FRMPD4: variants seen among roughly 807,000 people sequenced by gnomAD.
FRMPD4 encodes the protein FERM and PDZ domain containing 4, also known as FERM and PDZ domain-containing protein 4.
Under a neutral mutation model 94.1 loss-of-function variants are expected in FRMPD4, and 22 were observed. The ratio of observed to expected loss-of-function variants is 0.23; its 90% CI spans 0.17 to 0.33. The LOEUF (loss-of-function observed/expected upper bound fraction) is 0.33. FRMPD4 is among the 10% of genes least tolerant of loss of function. FRMPD4 has a pLI of 1.00. For synonymous variants in FRMPD4, 631 were observed against 548.6 expected (o/e 1.15, Z -2.10); for missense variants, 1,111 against 1,339.9 (o/e 0.83, Z 2.67).
At chrX:12,612,721 T>C (rs190921191) in intron 3 of FRMPD4, among the ~76,000 whole-genome samples, 1 of 112,773 alleles carries the variant, frequency 8.9e-6, no homozygotes, top group East Asian at 2.8e-4. Context: ...GTCCTTCAGT[T>C]ACTTTGAAAG....
chrX:12,474,605 G>A (rs1026897513), intron 1 of FRMPD4, among the ~76,000 whole-genome samples: 4 of 111,224 alleles, frequency 3.6e-5, no homozygotes, highest in African/African-American at 6.5e-5. Context: ...TCAAATAGAC[G>A]CAATAAATAA....
At chrX:12,495,053 C>T (rs2057831919) in intron 1 of FRMPD4, 1 of 703,107 alleles carries the variant, frequency 1.4e-6, no homozygotes, top group South Asian at 7.4e-5. Flanking sequence ...CCCAGGATCA[C>T]ACAGCTGGGA....
At chrX:12,164,923 A>G (rs765076111) in intron 1 of FRMPD4, among the ~76,000 whole-genome samples, 83 of 111,445 alleles carry the variant, frequency 7.4e-4, no homozygotes, top group Middle Eastern at 4.6e-3. Context: ...AAATTTGTTT[A>G]AGTTCTTTGT....
At chrX:12,480,333 G>GAAAAAAAAAAAAAAAAAAAAAAAAA in intron 1 of FRMPD4, among the ~76,000 whole-genome samples, 1 of 54,654 alleles carries the variant, frequency 1.8e-5, no homozygotes, top group Non-Finnish European at 3.1e-5. Flanking sequence ...GAAAAGAAAT[G>GAAAAAAAAAAAAAAAAAAAAAAAAA]AAAAAAAAAA....
intron 4 of FRMPD4, among the ~76,000 whole-genome samples, chrX:12,665,613 G>T (rs974861576): frequency 5.4e-5 from 6 of 111,752 alleles, no homozygotes; most frequent in African/African-American, 2.0e-4. Flanking sequence ...GAAAAGAGTG[G>T]GGGCCAATAT....
intron 3 of FRMPD4, among the ~76,000 whole-genome samples, chrX:11,901,276 A>G (rs1021344011): frequency 9.8e-5 from 11 of 111,684 alleles, no homozygotes; most frequent in Non-Finnish European, 1.9e-4. Context: ...CTGAGTTACC[A>G]AAGTCCATTA....
At chrX:12,249,951 T>C (rs2054010349) in intron 1 of FRMPD4, among the ~76,000 whole-genome samples, 1 of 111,332 alleles carries the variant, frequency 9.0e-6, no homozygotes, top group Non-Finnish European at 1.9e-5. Context: ...TACTTTAGAA[T>C]ATAATTTTTA....
intron 2 of FRMPD4, among the ~76,000 whole-genome samples, chrX:12,553,509 A>G (rs911698385): frequency 6.1e-5 from 6 of 98,277 alleles, no homozygotes; most frequent in Non-Finnish European, 1.0e-4. Context: ...TTCATGTAGC[A>G]TTTGCCTCTC....
At chrX:11,965,142 A>G (rs1459769735) in intron 3 of FRMPD4, among the ~76,000 whole-genome samples, 1 of 112,461 alleles carries the variant, frequency 8.9e-6, no homozygotes, top group Admixed American at 9.4e-5. Context: ...CTCCTTTGCA[A>G]TGTAACGTAA....
At chrX:12,018,815 A>G (rs1366422862) in intron 3 of FRMPD4, among the ~76,000 whole-genome samples, 1 of 111,976 alleles carries the variant, frequency 8.9e-6, no homozygotes, top group African/African-American at 3.3e-5. Context: ...CCCTATTTTC[A>G]AATAATGTCA....
In FRMPD4 at chrX:12,182,585, T is replaced by A. The variant is rs192810987; in HGVS notation, c.41+43573T>A. Among the ~76,000 whole-genome samples the A allele has an allele frequency of 5.6e-3, 538 of 96,778 alleles. 5 individuals carry two copies. The highest frequency in any genetic ancestry group is 0.019 in the African/African-American group (514 of 27,637). The allele number at this position is 96,778 out of a possible 115,157, so 84.0% of individuals were successfully genotyped here. On this transcript the variant is annotated intron_variant, in intron 1 of 16. Coordinates refer to ENST00000675598, the MANE Select transcript of FRMPD4 (RefSeq NM_001368397.1). ...AAATAAATAAATAAATAAATATATA[T>A]ATATATGTCATCACTTTCTGTCTTA...
chrX:12,565,068 C>T (rs993159092), intron 2 of FRMPD4, among the ~76,000 whole-genome samples: 2 of 80,624 alleles, frequency 2.5e-5, no homozygotes, highest in Non-Finnish European at 4.8e-5. Flanking sequence ...GCCTGGGTGA[C>T]AGAGAGAGAC....
intron 1 of FRMPD4, among the ~76,000 whole-genome samples, chrX:11,855,787 G>A (rs900927369): frequency 1.8e-5 from 2 of 111,617 alleles, no homozygotes; most frequent in Admixed American, 1.9e-4. Flanking sequence ...AAGTTTCTAG[G>A]ATGTTCCAAA....
At chrX:12,631,955 T>A (rs1053062788) in intron 4 of FRMPD4, among the ~76,000 whole-genome samples, 1 of 112,310 alleles carries the variant, frequency 8.9e-6, no homozygotes, top group Non-Finnish European at 1.9e-5. Context: ...ATACCCAGCA[T>A]AATCAGAGCC....
intron 4 of FRMPD4, among the ~76,000 whole-genome samples, chrX:12,660,996 G>T (rs1323743702): frequency 1.8e-5 from 2 of 112,481 alleles, no homozygotes; most frequent in Non-Finnish European, 3.8e-5. Context: ...TCACAGGGTT[G>T]TTGGACTTCT....
At chrX:12,026,050 A>G (rs949796109) in intron 3 of FRMPD4, among the ~76,000 whole-genome samples, 1 of 112,234 alleles carries the variant, frequency 8.9e-6, no homozygotes, top group Non-Finnish European at 1.9e-5. Context: ...TCTACATATC[A>G]ATAAACAATT....
At chrX:12,453,621 A>G (rs2057298403) in intron 1 of FRMPD4, among the ~76,000 whole-genome samples, 1 of 111,553 alleles carries the variant, frequency 9.0e-6, no homozygotes, top group Non-Finnish European at 1.9e-5. Context: ...TGGTTACAGG[A>G]AGTTTGGGTT....
chrX:12,721,580 C>T lies in FRMPD4; in HGVS notation c.5011C>T (p.Leu1671Phe). 3 of 755,185 alleles carry T rather than the reference C, an allele frequency of 4.0e-6. No homozygotes were observed. The highest frequency in any genetic ancestry group is 4.7e-6 in the Non-Finnish European group (3 of 638,336). 62.2% of individuals were successfully genotyped at this position (755,185 alleles called of 1,213,427 possible). A position where few individuals can be genotyped will look rare whatever the true frequency, so the allele number is the denominator to read the frequency against. The change falls in exon 17 of 17, where the codon CTC (leucine) becomes TTC (phenylalanine). Residue 1671 changes from leucine (L) to phenylalanine (F), a missense_variant. Leu to Phe is a conservative substitution (Grantham distance 22). Coordinates refer to ENST00000675598, the MANE Select transcript of FRMPD4 (RefSeq NM_001368397.1). ...AMAEKSPEEM[L>F]LAMTSSFQVL... ...GGCTGAGAAAAGCCCGGAGGAGATG[C>T]TCCTAGCTATGACTTCCAGCTTTCA...
At chrX:12,157,809 A>T (rs1268650873) in intron 1 of FRMPD4, among the ~76,000 whole-genome samples, 2 of 112,716 alleles carry the variant, frequency 1.8e-5, no homozygotes, top group Non-Finnish European at 3.7e-5. Context: ...TGATTCCATG[A>T]TAGGATTTGA....
Sources: allele counts gnomAD v4.1 joint callset (sites outside exome capture counted in the v4.1 genomes callset), GRCh38; gene constraint gnomAD v4.1.1; transcripts MANE v1.5; gene names NCBI Gene and HGNC (gene_info 2026-07-23, HGNC 2026-07-21).